The following IRAK3 variants were observed in gnomAD, a reference collection of about 807,000 sequenced individuals.
The protein encoded by IRAK3 is interleukin-1 receptor-associated kinase 3.
In IRAK3, 57 loss-of-function variants were observed where a neutral mutation model predicts 56.6. The ratio of observed to expected loss-of-function variants is 1.01; its 90% CI spans 0.81 to 1.26. IRAK3 has a LOEUF of 1.26. Among genes scored for constraint, IRAK3 ranks in the 50% most tolerant of loss-of-function variants. The pLI, the probability that IRAK3 is intolerant of heterozygous loss-of-function variation, is 0.00. For synonymous variants in IRAK3, 258 were observed against 255.7 expected (o/e 1.01, Z -0.09); for missense variants, 703 against 719.0 (o/e 0.98, Z 0.25).
At chr12:66,235,257 CG>C (rs1328156135) in intron 8 of IRAK3, 2 of 1,573,966 alleles carry the variant, frequency 1.3e-6, no homozygotes, top group Non-Finnish European at 1.7e-6. Context: ...CTGCTGCCCC[CG>C]GGGTTGCCGC....
In IRAK3 at chr12:66,235,639, T is replaced by G. The variant is rs1367953309; in HGVS notation, c.887+7269T>G. ...CGCGTCCTCCGATATTATTAAGTTATGTTTTTAAATAGTATGAAATAGCAT... is the reference window on the plus strand; with the variant it reads ...CGCGTCCTCCGATATTATTAAGTTAGGTTTTTAAATAGTATGAAATAGCAT... On this transcript the variant is annotated intron_variant, in intron 8 of 11. Coordinates refer to ENST00000261233, the MANE Select transcript of IRAK3 (RefSeq NM_007199.3). Among the ~76,000 whole-genome samples, 3 of 152,168 alleles carry G rather than the reference T, an allele frequency of 2.0e-5. No homozygotes were observed. In the East Asian group the frequency reaches 5.8e-4, roughly 29 times the overall value.
At chr12:66,222,946 A>G (rs2052749738) in intron 6 of IRAK3, among the ~76,000 whole-genome samples, 1 of 152,062 alleles carries the variant, frequency 6.6e-6, no homozygotes, top group Admixed American at 6.5e-5. Flanking sequence ...AGAGTCAGCG[A>G]AGGGAGATAG....
chr12:66,198,061 T>C lies in IRAK3; in HGVS notation c.134-5650T>C. 8.1e-6 allele frequency: 8 copies of C among 985,236 alleles called. No individual in the cohort carries two copies. In the South Asian group the frequency reaches 1.4e-4, roughly 17 times the overall value. The allele number at this position is 985,236 out of a possible 1,614,324, so 61.0% of individuals were successfully genotyped here. On this transcript the variant is annotated intron_variant, in intron 1 of 11. Coordinates refer to ENST00000261233, the MANE Select transcript of IRAK3 (RefSeq NM_007199.3). ...GTGGCAATTGTTGTGAGCTAGAACA[T>C]GTTTATACCTTTTTATGTATAAATA...
intron 6 of IRAK3, among the ~76,000 whole-genome samples, chr12:66,226,318 G>A (rs1419431068): frequency 1.3e-5 from 2 of 151,370 alleles, no homozygotes; most frequent in East Asian, 1.9e-4. Context: ...CTTGGCTCAC[G>A]GCAACCTCCG....
At chr12:66,230,515 C>A (rs2052833519) in intron 8 of IRAK3, among the ~76,000 whole-genome samples, 1 of 152,158 alleles carries the variant, frequency 6.6e-6, no homozygotes, top group Admixed American at 6.5e-5. Flanking sequence ...ATCTGACCAG[C>A]CCTCTTGTGG....
chr12:66,213,832 G>A (rs535482563), intron 5 of IRAK3, among the ~76,000 whole-genome samples: 1 of 151,416 alleles, frequency 6.6e-6, no homozygotes, highest in African/African-American at 2.4e-5. Flanking sequence ...GGAGGGCTGT[G>A]TCTGGCACCC....
Position 66,209,497 on chromosome 12 carries a change from G to A in IRAK3, c.358G>A (p.Gly120Arg), listed in dbSNP as rs766603091. The change falls in exon 3 of 12, where the codon GGA becomes AGA. Residue 120 changes from glycine to arginine, a missense_variant. Physicochemically the swap from Gly to Arg is moderately radical, Grantham distance 125. Transcript: ENST00000261233. ...TTCAGAGAAGAGTTATCAGGAAGGTGGATTTCCAAATATATTATTCAAGGT... is the reference window on the plus strand; with the variant it reads ...TTCAGAGAAGAGTTATCAGGAAGGTAGATTTCCAAATATATTATTCAAGGT... Reference protein sequence around the residue: ...SPSEKSYQEGGFPNILFKETA... With the variant: ...SPSEKSYQEGRFPNILFKETA... The A allele has an allele frequency of 3.0e-5, 48 of 1,598,302 alleles. No individual in the cohort carries two copies. The Middle Eastern group carries it at 6.6e-4, about 22-fold the overall frequency.
At position 66,203,759 on chromosome 12, in the gene IRAK3, A is replaced by T; in HGVS notation, c.182A>T (p.Tyr61Phe). The T allele has an allele frequency of 1.9e-6, 3 of 1,614,112 alleles. No individual in the cohort carries two copies. The highest frequency in any genetic ancestry group is 2.5e-6 in the Non-Finnish European group (3 of 1,179,992). ...SWLDVRHIEK[Y>F]VDQGKSGTRE... Reference sequence around the variant, plus strand: ...CTGGATGTTCGTCATATTGAAAAGTATGTAGACCAAGGTAAAAGTGGAACA... The same window carrying T: ...CTGGATGTTCGTCATATTGAAAAGTTTGTAGACCAAGGTAAAAGTGGAACA... Residue 61 changes from tyrosine (Y) to phenylalanine (F), a missense_variant, in exon 2 of 12, where the codon TAT (tyrosine) becomes TTT (phenylalanine). Transcript: ENST00000261233.
rs991441615 is a variant in IRAK3, at chr12:66,240,833, T to A, written c.888-3653T>A. On this transcript the variant is annotated intron_variant, in intron 8 of 11. Transcript: ENST00000261233. The stretch of plus-strand genomic sequence containing the variant: ...ATATATACCCACATATATATATATA[T>A]AAAATATATCGGTATATATATTATA... Among the ~76,000 whole-genome samples, 10 of 148,558 alleles carry A rather than the reference T, an allele frequency of 6.7e-5. 1 individual carries two copies. The highest frequency in any genetic ancestry group is 6.3e-4 in the South Asian group (3 of 4,754).
At position 66,251,066 on chromosome 12, in the gene IRAK3, AG is replaced by A. The variant is rs2053094524; in HGVS notation, c.*2897del. On this transcript the variant is annotated 3_prime_UTR_variant, in exon 12 of 12. Coordinates refer to ENST00000261233, the MANE Select transcript of IRAK3 (RefSeq NM_007199.3). ...TTCTGTTATATTCATCCTATTACAT[AG>A]GATGTTGGTTAGCACAGAGTGGGAG... is the stretch of plus-strand genomic sequence containing the variant. The A allele has an allele frequency of 6.6e-6, 1 of 152,230 alleles. No homozygotes were observed. The highest frequency in any genetic ancestry group is 2.4e-5 in the African/African-American group (1 of 41,458). The allele number at this position is 152,230 out of a possible 1,614,324, so 9.4% of individuals were successfully genotyped here. A position where few individuals can be genotyped will look rare whatever the true frequency, so the allele number is the denominator to read the frequency against.
At chr12:66,226,688 C>G (rs1454575871) in intron 6 of IRAK3, 35 bp from the exon 7 acceptor site, 1 of 1,232,918 alleles carries the variant, frequency 8.1e-7, no homozygotes, top group Non-Finnish European at 1.2e-6. Flanking sequence ...TCTGAATAAG[C>G]AATTTGATGG....
intron 9 of IRAK3, 92 bp downstream of exon 9, chr12:66,244,776 C>A: frequency 8.3e-7 from 1 of 1,201,450 alleles, no homozygotes; most frequent in Non-Finnish European, 1.2e-6. Flanking sequence ...ACTTTTGACT[C>A]ATTGATTTCC....
intron 5 of IRAK3, among the ~76,000 whole-genome samples, chr12:66,215,790 A>ACGTGCGCG (rs1225435769): frequency 0.086 from 8,847 of 103,132 alleles, 410 homozygotes; most frequent in South Asian, 0.14. Flanking sequence ...CAACATGCAC[A>ACGTGCGCG]CACACACACA....
chr12:66,244,845 C>A (rs892604940), intron 9 of IRAK3, 103 bp from the exon 10 acceptor site: 28 of 1,080,890 alleles, frequency 2.6e-5, no homozygotes, highest in Non-Finnish European at 3.8e-5. Flanking sequence ...AATATAAAAT[C>A]ATTAATCAGA....
rs947934782 is a variant in IRAK3 at position 66,251,726 on chromosome 12, A to C, written c.*3555A>C. 2.6e-5 allele frequency: 4 copies of C among 152,362 alleles called. No individual in the cohort carries two copies. In the South Asian group the frequency reaches 6.2e-4, roughly 24 times the overall value. 9.4% of individuals were successfully genotyped at this position (152,362 alleles called of 1,614,324 possible). A position where few individuals can be genotyped will look rare whatever the true frequency, so the allele number is the denominator to read the frequency against. On this transcript the variant is annotated 3_prime_UTR_variant, in exon 12 of 12. Transcript: ENST00000261233. The stretch of plus-strand genomic sequence containing the variant: ...AACAACTTTAATGACCTGAGGACTG[A>C]TGAGTACAGGAAGTGAGGTTTATCA...
intron 5 of IRAK3, among the ~76,000 whole-genome samples, chr12:66,215,785 T>TGCAAGTGCACGTGCGCGCGCGCGC (rs1555203474): frequency 2.8e-3 from 86 of 31,202 alleles, no homozygotes; most frequent in African/African-American, 0.01. Flanking sequence ...TAACCCAACA[T>TGCAAGTGCACGTGCGCGCGCGCGC]GCACACACAC....
In IRAK3 at chr12:66,244,993, C is replaced by T; in HGVS notation, c.1132C>T (p.Pro378Ser). Residue 378 changes from proline (P) to serine (S), a missense_variant, in exon 10 of 12, where the codon CCA becomes TCA. Coordinates refer to ENST00000261233, the MANE Select transcript of IRAK3 (RefSeq NM_007199.3). Reference sequence around the variant, plus strand: ...AGGATGTAGAGTAGTGTTAGATGATCCAAAACATATCCAGCTGGTAAGAAT... The same window carrying T: ...AGGATGTAGAGTAGTGTTAGATGATTCAAAACATATCCAGCTGGTAAGAAT... ...LTGCRVVLDDPKHIQLRDLLR... is the reference protein window; with the variant it reads ...LTGCRVVLDDSKHIQLRDLLR... 6.2e-7 allele frequency: 1 copy of T among 1,613,718 alleles called. No homozygotes were observed. Among genetic ancestry groups the T allele is most frequent in the Non-Finnish European group, 8.5e-7 (1 of 1,179,666 alleles).
intron 1 of IRAK3, chr12:66,196,858 A>G (rs1179466567): frequency 6.8e-7 from 1 of 1,478,044 alleles, no homozygotes; most frequent in Admixed American, 2.7e-5. Flanking sequence ...AGAAAGAGAC[A>G]TCTTTCCTTT....
At chr12:66,242,590 G>C (rs1467160011) in intron 8 of IRAK3, among the ~76,000 whole-genome samples, 1 of 152,168 alleles carries the variant, frequency 6.6e-6, no homozygotes, top group Non-Finnish European at 1.5e-5. Flanking sequence ...GGAGAGAAAT[G>C]ACAACTGTGC....
Sources: gnomAD v4.1 joint callset for allele counts (sites outside exome capture counted in the v4.1 genomes callset) on GRCh38, gnomAD v4.1.1 for gene constraint, MANE v1.5 for transcripts, NCBI Gene and HGNC (gene_info 2026-07-23, HGNC 2026-07-21) for gene names.